Variants in HMCES observed in about 807,000 individuals in gnomAD.
HMCES encodes the protein 5-hydroxymethylcytosine binding, ES cell specific, also known as abasic site processing protein HMCES.
In HMCES, 27 loss-of-function variants were observed where a neutral mutation model predicts 35.1. The observed-to-expected ratio is 0.77, with a 90% CI of 0.57 to 1.06. The LOEUF is 1.06. Ranked by LOEUF, HMCES falls within the 50% of genes least tolerant of loss-of-function variation. The pLI is 0.00. For missense variants in HMCES, 391 were observed against 430.4 expected, an observed-to-expected ratio of 0.91 and a Z score of 0.81; for synonymous variants, 130 against 154.7, an observed-to-expected ratio of 0.84 and a Z score of 1.18.
intron 5 of HMCES, 65 bp downstream of exon 5, chr3:129,298,600 G>A: frequency 7.0e-7 from 1 of 1,437,072 alleles, no homozygotes; most frequent in Non-Finnish European, 9.6e-7. Context: ...TCTGCTTTTA[G>A]GTAGCTTTAG....
chr3:129,303,873 G>A (rs1032368001), intron 6 of HMCES, among the ~76,000 whole-genome samples: 7 of 152,184 alleles, frequency 4.6e-5, no homozygotes, highest in Non-Finnish European at 1.0e-4. Context: ...CTCCCAGGTA[G>A]CTGGGACTAC....
intron 5 of HMCES, among the ~76,000 whole-genome samples, chr3:129,300,908 G>A (rs1285377580): frequency 1.3e-5 from 2 of 152,070 alleles, no homozygotes; most frequent in African/African-American, 4.8e-5. Flanking sequence ...GCGGCTGCCT[G>A]TAGTCCCAGC....
chr3:129,280,312 G>A (rs770518645), intron 2 of HMCES, among the ~76,000 whole-genome samples: 2 of 152,202 alleles, frequency 1.3e-5, no homozygotes, highest in African/African-American at 2.4e-5. Flanking sequence ...TTGGGAAGCC[G>A]AGGTGGGAGG....
chr3:129,283,786 C>T (rs943253291), intron 2 of HMCES, among the ~76,000 whole-genome samples: 1 of 151,956 alleles, frequency 6.6e-6, no homozygotes, highest in African/African-American at 2.4e-5. Flanking sequence ...GCCAAGATCG[C>T]GCCATTGCAC....
rs1318016329 is a variant in HMCES at position 129,279,825 on chromosome 3, G to A, written c.93G>A (p.Glu31=). 1.2e-6 allele frequency: 2 copies of A among 1,613,736 alleles called. No individual in the cohort carries two copies. Among genetic ancestry groups the A allele is most frequent in the Non-Finnish European group, 1.7e-6 (2 of 1,179,904 alleles). ...GGCGGGGCCAGCAGCGGCTCCCGGA[G>A]TGGAGGGACCCTGATAAGTACTGCC... The part of the protein sequence containing the change: ...QDRRGQQRLP[E]WRDPDKYCPS... Residue 31 remains glutamate (E), a synonymous_variant, in exon 2 of 7, where the codon GAG becomes GAA. Transcript: ENST00000383463. This position sits in a 1 kb window ranked among gnomAD's most constrained non-coding sequence, Gnocchi z 4.2.
chr3:129,293,423 AAC>A (rs1275267281), intron 4 of HMCES, among the ~76,000 whole-genome samples: 1 of 152,202 alleles, frequency 6.6e-6, no homozygotes, highest in African/African-American at 2.4e-5. Context: ...CCAGTCTAGT[AAC>A]ACACAAATGA....
At chr3:129,290,524 T>C (rs1268907519) in intron 3 of HMCES, among the ~76,000 whole-genome samples, 155 bp from the exon 4 acceptor site, 5 of 152,072 alleles carry the variant, frequency 3.3e-5, no homozygotes, top group African/African-American at 1.2e-4. Flanking sequence ...CCTCAAGTGA[T>C]CCTCCCATCT....
rs1940405504 is a variant in HMCES, at chr3:129,279,648, CAAGG to C, written c.-23-59_-23-56del. ...GGAACGGAAAGAGAAGGCGGGGACTCAAGGAATAAGACCTAATATTTGAGATACG... is the reference window on the plus strand; with the variant it reads ...GGAACGGAAAGAGAAGGCGGGGACTCAATAAGACCTAATATTTGAGATACG... On this transcript the variant is annotated intron_variant, in intron 1 of 6. Transcript: ENST00000383463. The surrounding 1 kb of genome is among the most constrained non-coding windows in gnomAD (Gnocchi z 4.2). 2.7e-6 allele frequency: 4 copies of C among 1,499,794 alleles called. No individual in the cohort carries two copies. Among genetic ancestry groups the C allele is most frequent in the Non-Finnish European group, 3.6e-6 (4 of 1,102,356 alleles). 92.9% of individuals were successfully genotyped at this position (1,499,794 alleles called of 1,614,324 possible).
chr3:129,284,846 A>G (rs1215842512), intron 2 of HMCES, among the ~76,000 whole-genome samples: 2 of 152,240 alleles, frequency 1.3e-5, no homozygotes, highest in African/African-American at 4.8e-5. Context: ...TGGGAGGCAG[A>G]GGTTGCATTG....
At chr3:129,298,580 T>C in intron 5 of HMCES, 45 bp downstream of exon 5, 1 of 1,547,204 alleles carries the variant, frequency 6.5e-7, no homozygotes, top group Non-Finnish European at 8.9e-7. Flanking sequence ...ATCCAAAAGA[T>C]GATTTGTCCT....
At chr3:129,293,249 T>A (rs1208011223) in intron 4 of HMCES, among the ~76,000 whole-genome samples, 4 of 152,186 alleles carry the variant, frequency 2.6e-5, no homozygotes, top group Admixed American at 6.5e-5. Flanking sequence ...GTTTCAGTAG[T>A]CAAGAGAGTT....
chr3:129,298,287 G>T, intron 4 of HMCES, 67 bp from the exon 5 acceptor site: 1 of 1,409,342 alleles, frequency 7.1e-7, no homozygotes, highest in Admixed American at 1.7e-5. Context: ...GTCTGAAGTA[G>T]TACCTAACCT....
At chr3:129,282,664 A>G (rs1257893541) in intron 2 of HMCES, among the ~76,000 whole-genome samples, 1 of 152,212 alleles carries the variant, frequency 6.6e-6, no homozygotes, top group African/African-American at 2.4e-5. Context: ...TCTCAGACCT[A>G]TAAATTATAA....
rs111418790 is a variant in HMCES, at chr3:129,283,393, G to A, written c.183+3478G>A. ...GTTGCCCAGGCTGGAGTGCAGTGGC[G>A]CAATCATGGCTCACTACAACCTTGA... is the stretch of plus-strand genomic sequence containing the variant. On this transcript the variant is annotated intron_variant, in intron 2 of 6. Transcript: ENST00000383463. 2.4e-3 allele frequency among the ~76,000 whole-genome samples: 359 copies of A among 150,094 alleles called. 4 individuals are homozygous for A. The highest frequency in any genetic ancestry group is 8.2e-3 in the African/African-American group (336 of 40,728).
intron 3 of HMCES, 34 bp from the exon 4 acceptor site, chr3:129,290,645 A>G: frequency 6.2e-7 from 1 of 1,605,608 alleles, no homozygotes; most frequent in Non-Finnish European, 8.5e-7. Context: ...TGATTGTATC[A>G]CTAAGACCAT....
chr3:129,293,764 C>T (rs999987832), intron 4 of HMCES, among the ~76,000 whole-genome samples: 2 of 151,834 alleles, frequency 1.3e-5, no homozygotes, highest in Non-Finnish European at 2.9e-5. Flanking sequence ...GACAGGGTTT[C>T]ACCATGTTAG....
intron 2 of HMCES, among the ~76,000 whole-genome samples, chr3:129,280,738 C>A (rs148188451): frequency 2.8e-4 from 42 of 152,240 alleles, no homozygotes; most frequent in African/African-American, 1.0e-3. Flanking sequence ...TAATTGCATT[C>A]ATTGTGTTTA....
chr3:129,280,363 T>C (rs930187153), intron 2 of HMCES, among the ~76,000 whole-genome samples: 6 of 151,990 alleles, frequency 3.9e-5, no homozygotes, highest in Non-Finnish European at 7.4e-5. Flanking sequence ...CTGGGCAACA[T>C]AGGGAGACCC....
intron 5 of HMCES, among the ~76,000 whole-genome samples, chr3:129,300,166 T>TTATATATATATATATA (rs35145445): frequency 1.3e-4 from 19 of 141,220 alleles, no homozygotes; most frequent in African/African-American, 4.8e-4. Context: ...ATGTGCATCT[T>TTATATATATATATATA]TATATATATA....
Sources: gnomAD v4.1 joint callset for allele counts (sites outside exome capture counted in the v4.1 genomes callset) on GRCh38, gnomAD v4.1.1 for gene constraint, Gnocchi (gnomAD v3.1) non-coding constraint, MANE v1.5 for transcripts, NCBI Gene and HGNC (gene_info 2026-07-23, HGNC 2026-07-21) for gene names.